Variants in GRIN3A observed in about 807,000 individuals in gnomAD.
GRIN3A encodes glutamate receptor ionotropic, NMDA 3A.
In GRIN3A, 47 loss-of-function variants were observed where a neutral mutation model predicts 92.4. The observed-to-expected ratio is 0.51, with a 90% CI of 0.40 to 0.65. The LOEUF (loss-of-function observed/expected upper bound fraction) is 0.65, where lower values mean the gene tolerates loss of function less well. Ranked by LOEUF, GRIN3A falls within the 30% of genes least tolerant of loss-of-function variation. GRIN3A has a pLI of 0.00. For synonymous variants in GRIN3A, 527 were observed against 540.6 expected (o/e 0.97, Z 0.35); for missense variants, 1,324 against 1,393.1 (o/e 0.95, Z 0.79).
Position 101,691,044 on chromosome 9 carries a change from G to A in GRIN3A, c.700-3844C>T, listed in dbSNP as rs563724954. On this transcript the variant is annotated intron_variant, in intron 1 of 8. Transcript: ENST00000361820. ...AAACATTGAATTATCACAGCACACC[G>A]TATTTTTAGTTTTAAACACCTATCA... Among the ~76,000 whole-genome samples the A allele has an allele frequency of 9.9e-5, 15 of 152,084 alleles. No homozygotes were observed. In the South Asian group the frequency reaches 1.0e-3, roughly 11 times the overall value.
In GRIN3A at chr9:101,651,636, TTGTGTGTGTG is replaced by T. The variant is rs57126529; in HGVS notation, c.2352+18414_2352+18423del. On this transcript the variant is annotated intron_variant, in intron 3 of 8. Coordinates refer to ENST00000361820, the MANE Select transcript of GRIN3A (RefSeq NM_133445.3). ...TCTGAAGATGTATGCAATAAATCCA[TTGTGTGTGTG>T]TGTGTGTGTGTGTGTGTGTGTGGTC... Among the ~76,000 whole-genome samples, 670 of 146,052 alleles carry T rather than the reference TTGTGTGTGTG, an allele frequency of 4.6e-3. 2 individuals are homozygous for T. The highest frequency in any genetic ancestry group is 6.5e-3 in the Non-Finnish European group (430 of 66,128).
intron 3 of GRIN3A, among the ~76,000 whole-genome samples, chr9:101,641,564 G>A (rs958408462): frequency 1.4e-4 from 21 of 151,856 alleles, no homozygotes; most frequent in African/African-American, 5.1e-4. Flanking sequence ...CTCACTCATT[G>A]GTGGGAATTG....
intron 1 of GRIN3A, among the ~76,000 whole-genome samples, chr9:101,710,341 C>T (rs2152866): frequency 0.89 from 135,944 of 152,202 alleles, 60,946 homozygotes; most frequent in Middle Eastern, 0.95. Flanking sequence ...CATGCATACA[C>T]ACAAATTAAC....
chr9:101,712,921 AAAGATT>A (rs1193115290), intron 1 of GRIN3A, among the ~76,000 whole-genome samples: 2 of 152,210 alleles, frequency 1.3e-5, no homozygotes, highest in African/African-American at 2.4e-5. Flanking sequence ...TGGGATGAGA[AAAGATT>A]AAGATTAAGA....
chr9:101,731,498 C>A (rs1482356620), intron 1 of GRIN3A, among the ~76,000 whole-genome samples: 1 of 152,188 alleles, frequency 6.6e-6, no homozygotes, highest in African/African-American at 2.4e-5. Flanking sequence ...AGGTGTAATT[C>A]ATCCTGACTG....
chr9:101,688,572 A>T (rs1159781024), intron 1 of GRIN3A, among the ~76,000 whole-genome samples: 1 of 152,122 alleles, frequency 6.6e-6, no homozygotes, highest in Non-Finnish European at 1.5e-5. Flanking sequence ...ATTACATGCT[A>T]AGTGTTCTAC....
At chr9:101,575,630 A>C (rs1008321267) in intron 8 of GRIN3A, among the ~76,000 whole-genome samples, 1 of 152,244 alleles carries the variant, frequency 6.6e-6, no homozygotes, top group African/African-American at 2.4e-5. Flanking sequence ...ATCATGGCCC[A>C]AAATTTCTCC....
intron 3 of GRIN3A, among the ~76,000 whole-genome samples, chr9:101,643,292 T>G (rs1416898683): frequency 6.6e-6 from 1 of 152,168 alleles, no homozygotes; most frequent in Non-Finnish European, 1.5e-5. Context: ...ACAAAGTATA[T>G]GAAGAAGTGC....
In GRIN3A at chr9:101,570,873, A is replaced by G. The variant is rs577205613; in HGVS notation, c.*2301T>C. ...AATTCACTTCTGGGTTCCCTTAAAC[A>G]GCCAGCTTCTCAAATACAGTCAGAA... On this transcript the variant is annotated 3_prime_UTR_variant, in exon 9 of 9. Coordinates refer to ENST00000361820, the MANE Select transcript of GRIN3A (RefSeq NM_133445.3). 7.2e-5 allele frequency: 11 copies of G among 152,698 alleles called. No homozygotes were observed. Among genetic ancestry groups the G allele is most frequent in the Non-Finnish European group, 1.3e-4 (9 of 68,060 alleles). The allele number at this position is 152,698 out of a possible 1,614,324, so 9.5% of individuals were successfully genotyped here.
intron 3 of GRIN3A, among the ~76,000 whole-genome samples, chr9:101,645,480 C>T (rs1357765076): frequency 1.3e-5 from 2 of 151,696 alleles, no homozygotes; most frequent in African/African-American, 4.8e-5. Context: ...CTTTGATATA[C>T]TGATTTCCTT....
At position 101,624,750 on chromosome 9, in the gene GRIN3A, T is replaced by G. The variant is rs188657614; in HGVS notation, c.2499-1317A>C. The stretch of plus-strand genomic sequence containing the variant: ...TTTGGGTATATACCCAGTAATGGGA[T>G]GGCTGGGTCAAATGGTATTTCTAGT... On this transcript the variant is annotated intron_variant, in intron 4 of 8. Transcript: ENST00000361820. Among the ~76,000 whole-genome samples, 865 of 152,284 alleles carry G rather than the reference T, an allele frequency of 5.7e-3. 8 individuals are homozygous for G. Among genetic ancestry groups the G allele is most frequent in the African/African-American group, 0.02 (833 of 41,540 alleles).
intron 3 of GRIN3A, among the ~76,000 whole-genome samples, chr9:101,638,955 T>C (rs1588261397): frequency 6.6e-6 from 1 of 152,350 alleles, no homozygotes; most frequent in Middle Eastern, 3.4e-3. Context: ...TTAATACTAG[T>C]AGCTATCATT....
At chr9:101,604,151 G>A (rs1035493099) in intron 6 of GRIN3A, among the ~76,000 whole-genome samples, 1 of 151,316 alleles carries the variant, frequency 6.6e-6, no homozygotes, top group African/African-American at 2.4e-5. Context: ...ATGGGAGAAA[G>A]GAAGAGAAAG....
intron 6 of GRIN3A, among the ~76,000 whole-genome samples, chr9:101,591,277 A>T (rs557205327): frequency 6.6e-6 from 1 of 152,244 alleles, no homozygotes; most frequent in Non-Finnish European, 1.5e-5. Flanking sequence ...TTTGACAAGC[A>T]ATTTACCTCT....
intron 6 of GRIN3A, among the ~76,000 whole-genome samples, chr9:101,602,486 A>G (rs928930765): frequency 2.6e-5 from 4 of 152,192 alleles, no homozygotes; most frequent in Admixed American, 1.3e-4. Context: ...ACTTTAGTGC[A>G]TGGAAGTCTA....
intron 3 of GRIN3A, among the ~76,000 whole-genome samples, chr9:101,634,663 A>T (rs1828761378): frequency 6.6e-6 from 1 of 152,164 alleles, no homozygotes; most frequent in Non-Finnish European, 1.5e-5. Context: ...TACATTCTGC[A>T]TTTATAGACT....
At chr9:101,604,047 C>T (rs1220365277) in intron 6 of GRIN3A, among the ~76,000 whole-genome samples, 1 of 152,156 alleles carries the variant, frequency 6.6e-6, no homozygotes, top group African/African-American at 2.4e-5. Flanking sequence ...CTCCTATGAG[C>T]TCTCTGCCTG....
rs1440878972 is a variant in GRIN3A, at chr9:101,579,286, C to T, written c.2841G>A (p.Leu947=). The T allele has an allele frequency of 6.2e-7, 1 of 1,613,866 alleles. No individual in the cohort carries two copies. Among genetic ancestry groups the T allele is most frequent in the African/African-American group, 1.3e-5 (1 of 74,892 alleles). The change falls in exon 7 of 9, where the codon TTG becomes TTA. Residue 947 remains leucine, a synonymous_variant. Transcript: ENST00000361820. The part of the protein sequence containing the change: ...LLCIGFGLSI[L]TTIGEHIVYR... ...ATACTATGTGCTCACCAATGGTGGT[C>T]AAAATGGACAGACCAAATCCAATGC...
chr9:101,649,871 A>G lies in GRIN3A; in HGVS notation c.2352+20189T>C, dbSNP rs182195274. Among the ~76,000 whole-genome samples the G allele has an allele frequency of 2.0e-5, 3 of 152,168 alleles. 1 individual carries two copies. The highest frequency in any genetic ancestry group is 2.0e-4 in the Admixed American group (3 of 15,266). On this transcript the variant is annotated intron_variant, in intron 3 of 8. Coordinates refer to ENST00000361820, the MANE Select transcript of GRIN3A (RefSeq NM_133445.3). The stretch of plus-strand genomic sequence containing the variant: ...GTACGACCCTTGTCTCTGGAACAAA[A>G]CATAGTCTCAAACAAGTGTAGTGCA...
Sources: allele counts gnomAD v4.1 joint callset (sites outside exome capture counted in the v4.1 genomes callset), GRCh38; gene constraint gnomAD v4.1.1; transcripts MANE v1.5; gene names NCBI Gene and HGNC (gene_info 2026-07-23, HGNC 2026-07-21).